ANO4: variants seen among roughly 807,000 people sequenced by gnomAD.
ANO4 encodes anoctamin-4.
In ANO4, 69 loss-of-function variants were observed where a neutral mutation model predicts 141.9. The ratio of observed to expected loss-of-function variants is 0.49; its 90% CI spans 0.40 to 0.59. The LOEUF is 0.59. ANO4 is among the 20% of genes least tolerant of loss of function. ANO4 has a pLI of 0.00. For missense variants in ANO4, 894 were observed against 1,162.2 expected (o/e 0.77, Z 3.36); for synonymous variants, 350 against 394.3 (o/e 0.89, Z 1.33).
chr12:101,079,690 T>C (rs758438554), intron 15 of ANO4, among the ~76,000 whole-genome samples: 1 of 152,198 alleles, frequency 6.6e-6, no homozygotes, highest in African/African-American at 2.4e-5. Context: ...CCCAGGACCG[T>C]GCCCAGGTGT....
intron 3 of ANO4, among the ~76,000 whole-genome samples, chr12:100,747,304 C>G (rs2032154570): frequency 6.6e-6 from 1 of 152,082 alleles, no homozygotes; most frequent in African/African-American, 2.4e-5. Context: ...TAATCAAAAA[C>G]ATGGGGGGAA....
intron 3 of ANO4, among the ~76,000 whole-genome samples, chr12:100,937,170 CCATCTTCAGGTCAT>C (rs2042319644): frequency 1.3e-5 from 2 of 152,120 alleles, no homozygotes; most frequent in Admixed American, 1.3e-4. Flanking sequence ...TACATTGTGA[CCATCTTCAGGTCAT>C]CATTCTGTCA....
intron 8 of ANO4, among the ~76,000 whole-genome samples, chr12:101,000,787 A>G (rs183315190): frequency 6.6e-6 from 1 of 152,366 alleles, no homozygotes; most frequent in Non-Finnish European, 1.5e-5. Flanking sequence ...AGGTCACCTA[A>G]TCAGGTGGGA....
At chr12:100,785,993 C>T (rs745511873) in intron 3 of ANO4, among the ~76,000 whole-genome samples, 1 of 152,154 alleles carries the variant, frequency 6.6e-6, no homozygotes, top group Non-Finnish European at 1.5e-5. Flanking sequence ...TGTCACAGTC[C>T]TTTAAAATGC....
chr12:101,091,435 A>T (rs2049769955), intron 17 of ANO4, among the ~76,000 whole-genome samples: 1 of 152,184 alleles, frequency 6.6e-6, no homozygotes, highest in South Asian at 2.1e-4. Flanking sequence ...GGGCAACCAA[A>T]TGTGTAATAT....
chr12:100,831,128 G>T (rs1427024426), intron 1 of ANO4, among the ~76,000 whole-genome samples: 1 of 152,086 alleles, frequency 6.6e-6, no homozygotes, highest in Admixed American at 6.6e-5. Context: ...AAAAGTACTT[G>T]ATAGAAAATG....
At chr12:100,722,503 C>G (rs1193839499) in intron 1 of ANO4, among the ~76,000 whole-genome samples, 1 of 152,176 alleles carries the variant, frequency 6.6e-6, no homozygotes, top group Non-Finnish European at 1.5e-5. Context: ...GATGCATGCT[C>G]TGAACGACTC....
chr12:100,995,992 G>A (rs193060242), intron 8 of ANO4, among the ~76,000 whole-genome samples: 7 of 152,154 alleles, frequency 4.6e-5, no homozygotes, highest in Non-Finnish European at 5.9e-5. Context: ...TGAAAAATGC[G>A]GTCAACCACA....
At chr12:101,102,884 C>T (rs1339732021) in intron 22 of ANO4, among the ~76,000 whole-genome samples, 1 of 151,696 alleles carries the variant, frequency 6.6e-6, no homozygotes, top group Non-Finnish European at 1.5e-5. Context: ...ACATTTTTCT[C>T]AGCAATACTT....
chr12:101,106,336 T>G (rs912120585), intron 22 of ANO4, among the ~76,000 whole-genome samples: 1 of 151,964 alleles, frequency 6.6e-6, no homozygotes, highest in Non-Finnish European at 1.5e-5. Context: ...GAAGATGTAA[T>G]GTCTGAGAAA....
At chr12:101,103,596 C>T (rs2050296466) in intron 22 of ANO4, among the ~76,000 whole-genome samples, 1 of 151,778 alleles carries the variant, frequency 6.6e-6, no homozygotes, top group Non-Finnish European at 1.5e-5. Context: ...AAAATGCCCA[C>T]TTGGGTCACC....
At chr12:100,754,503 T>A (rs2032524891) in intron 3 of ANO4, among the ~76,000 whole-genome samples, 1 of 152,028 alleles carries the variant, frequency 6.6e-6, no homozygotes, top group Non-Finnish European at 1.5e-5. Context: ...CATCATGGAC[T>A]TGGTGGTCCT....
At chr12:100,862,815 A>C (rs561146114) in intron 1 of ANO4, among the ~76,000 whole-genome samples, 1 of 152,294 alleles carries the variant, frequency 6.6e-6, no homozygotes, top group South Asian at 2.1e-4. Flanking sequence ...ATGTCATGGG[A>C]TCACCATCAT....
chr12:100,845,515 A>C (rs1245790606), intron 1 of ANO4, among the ~76,000 whole-genome samples: 1 of 152,154 alleles, frequency 6.6e-6, no homozygotes, highest in East Asian at 1.9e-4. Context: ...GTCCTTGTAC[A>C]TTTTAGTAAC....
intron 1 of ANO4, among the ~76,000 whole-genome samples, chr12:100,817,147 T>A (rs2035780046): frequency 6.6e-6 from 1 of 151,926 alleles, no homozygotes; most frequent in Non-Finnish European, 1.5e-5. Context: ...ATATAATTCC[T>A]TAAGTATATG....
chr12:100,855,108 C>T (rs7973397), intron 1 of ANO4, among the ~76,000 whole-genome samples: 98,940 of 151,958 alleles, frequency 0.65, 32,556 homozygotes, highest in Middle Eastern at 0.75. Context: ...AATCAAATGC[C>T]TTCTTTGTTT....
In ANO4 at chr12:100,841,462, A is replaced by T. The variant is rs148110481; in HGVS notation, c.-141+46435A>T. On this transcript the variant is annotated intron_variant, in intron 1 of 27. Coordinates refer to ENST00000392977, the MANE Select transcript of ANO4 (RefSeq NM_001286615.2). ...GTAAGAAGGCAGCAAATAAATAAGC[A>T]GAAACATCTCTTAGGTAGTGGTAAA... Among the ~76,000 whole-genome samples, 435 of 152,320 alleles carry T rather than the reference A, an allele frequency of 2.9e-3. 1 individual carries two copies. The highest frequency in any genetic ancestry group is 9.9e-3 in the African/African-American group (413 of 41,572).
chr12:101,119,639 A>ATAG (rs2051000081), intron 25 of ANO4, among the ~76,000 whole-genome samples: 1 of 152,216 alleles, frequency 6.6e-6, no homozygotes, highest in Non-Finnish European at 1.5e-5. Context: ...CAAACTACAT[A>ATAG]TAGTATAGTA....
At chr12:100,782,180 TTCTGTGA>T (rs1794843069) in intron 3 of ANO4, among the ~76,000 whole-genome samples, 1 of 152,204 alleles carries the variant, frequency 6.6e-6, no homozygotes, top group South Asian at 2.1e-4. Flanking sequence ...TCTTCACTAT[TTCTGTGA>T]CCCATATGCA....
Sources: allele counts gnomAD v4.1 joint callset (sites outside exome capture counted in the v4.1 genomes callset), GRCh38; gene constraint gnomAD v4.1.1; transcripts MANE v1.5; gene names NCBI Gene and HGNC (gene_info 2026-07-23, HGNC 2026-07-21).